AGAP1: variants seen among roughly 807,000 people sequenced by gnomAD.
AGAP1 encodes the protein ArfGAP with GTPase domain, ankyrin repeat and PH domain 1.
Under a neutral mutation model 105.3 loss-of-function variants are expected in AGAP1, and 29 were observed. The ratio of observed to expected loss-of-function variants is 0.28; its 90% CI spans 0.21 to 0.38. The LOEUF is 0.38. AGAP1 is among the 10% of genes least tolerant of loss of function. AGAP1 has a pLI of 1.00. For missense variants in AGAP1, 998 were observed against 1,165.1 expected (o/e 0.86, Z 2.09); for synonymous variants, 509 against 485.9 (o/e 1.05, Z -0.63).
At chr2:235,661,342 A>T (rs752438748) in intron 1 of AGAP1, among the ~76,000 whole-genome samples, 1 of 152,114 alleles carries the variant, frequency 6.6e-6, no homozygotes, top group Non-Finnish European at 1.5e-5. Context: ...CCTGAAGGAA[A>T]GGCGGTGATT....
intron 16 of AGAP1, among the ~76,000 whole-genome samples, chr2:236,103,072 T>C (rs923139861): frequency 1.3e-4 from 17 of 133,584 alleles, no homozygotes; most frequent in Non-Finnish European, 2.4e-4. Flanking sequence ...ATTAATGGCC[T>C]GCATTCTGAC....
intron 1 of AGAP1, among the ~76,000 whole-genome samples, chr2:235,626,242 C>T (rs921449688): frequency 6.6e-6 from 1 of 150,994 alleles, no homozygotes; most frequent in African/African-American, 2.4e-5. Flanking sequence ...CCTGTAATCC[C>T]AGCTACGCAG....
chr2:235,821,405 A>T (rs1445812143), intron 9 of AGAP1, among the ~76,000 whole-genome samples: 3 of 129,310 alleles, frequency 2.3e-5, no homozygotes, highest in Admixed American at 8.2e-5. Flanking sequence ...TTTTTTTGAG[A>T]CGGGGTCTCG....
intron 2 of AGAP1, among the ~76,000 whole-genome samples, chr2:235,709,732 A>T (rs186438138): frequency 1.1e-3 from 167 of 152,282 alleles, no homozygotes; most frequent in African/African-American, 3.9e-3. Flanking sequence ...ATGAAATTAA[A>T]ATTTTTGTCT....
chr2:236,049,949 C>T (rs1406196837), intron 16 of AGAP1: 2 of 152,114 alleles, frequency 1.3e-5, no homozygotes, highest in African/African-American at 2.4e-5. Flanking sequence ...TCTGAGAAGG[C>T]GTATGGCATG....
At chr2:236,068,567 G>A (rs1404962661) in intron 16 of AGAP1, among the ~76,000 whole-genome samples, 9 of 151,340 alleles carry the variant, frequency 5.9e-5, no homozygotes, top group East Asian at 2.0e-4. Context: ...TTCGGAGGCC[G>A]AGGCGGGCGG....
chr2:236,016,424 C>A (rs2056706115), intron 13 of AGAP1, among the ~76,000 whole-genome samples: 1 of 131,050 alleles, frequency 7.6e-6, no homozygotes. Flanking sequence ...TTTGTCGCAA[C>A]AAATTTGTTT....
In AGAP1 at chr2:236,082,180, A is replaced by G. The variant is rs1213409254; in HGVS notation, c.2114+32899A>G. On this transcript the variant is annotated intron_variant, in intron 16 of 17. Coordinates refer to ENST00000304032, the MANE Select transcript of AGAP1 (RefSeq NM_001037131.3). This position sits in a 1 kb window ranked among gnomAD's most constrained non-coding sequence, Gnocchi z 4.2. ...GTTTTCCCTCTAGAACAAACCTATC[A>G]TTTTTCACCACGGGATATTTACAGC... Among the ~76,000 whole-genome samples, 1 of 152,084 alleles carries G rather than the reference A, an allele frequency of 6.6e-6. No homozygotes were observed. The highest frequency in any genetic ancestry group is 1.5e-5 in the Non-Finnish European group (1 of 68,036).
At chr2:235,495,083 A>G (rs1387850188) in intron 1 of AGAP1, among the ~76,000 whole-genome samples, 1 of 152,130 alleles carries the variant, frequency 6.6e-6, no homozygotes, top group African/African-American at 2.4e-5. Context: ...TTGATCGTGG[A>G]CAATAGAGTC....
At chr2:235,607,589 CTTTG>C (rs907004629) in intron 1 of AGAP1, among the ~76,000 whole-genome samples, 5 of 152,180 alleles carry the variant, frequency 3.3e-5, no homozygotes, top group Non-Finnish European at 5.9e-5. Flanking sequence ...TCAGCCTTTG[CTTTG>C]TTTGTCACCT....
intron 4 of AGAP1, among the ~76,000 whole-genome samples, chr2:235,743,771 A>T (rs1482169951): frequency 6.6e-6 from 1 of 152,220 alleles, no homozygotes; most frequent in Non-Finnish European, 1.5e-5. Flanking sequence ...GGGAAAGCAG[A>T]CGGGATGGAT....
chr2:235,662,859 C>G lies in AGAP1; in HGVS notation c.164-46320C>G. ...CCACTGCTGACTGGTGCATGGCGAGCAGAGGTTTTATTCCATCTTACTGTG... is the reference window on the plus strand; with the variant it reads ...CCACTGCTGACTGGTGCATGGCGAGGAGAGGTTTTATTCCATCTTACTGTG... On this transcript the variant is annotated intron_variant, in intron 1 of 17. Coordinates refer to ENST00000304032, the MANE Select transcript of AGAP1 (RefSeq NM_001037131.3). The surrounding 1 kb of genome is among the most constrained non-coding windows in gnomAD (Gnocchi z 4.2). Among the ~76,000 whole-genome samples the G allele has an allele frequency of 6.6e-6, 1 of 152,192 alleles. No homozygotes were observed. Among genetic ancestry groups the G allele is most frequent in the South Asian group, 2.1e-4 (1 of 4,828 alleles).
At chr2:235,498,085 C>T (rs577046048) in intron 1 of AGAP1, among the ~76,000 whole-genome samples, 17 of 152,150 alleles carry the variant, frequency 1.1e-4, no homozygotes, top group Non-Finnish European at 2.1e-4. Flanking sequence ...TTTCAGAGCG[C>T]GTGGAGGTGG....
At chr2:236,098,639 T>TTTTTTTTTTTTTTTTTTA (rs1390073674) in intron 16 of AGAP1, among the ~76,000 whole-genome samples, 1 of 113,478 alleles carries the variant, frequency 8.8e-6, no homozygotes, top group African/African-American at 3.0e-5. Flanking sequence ...TTTTTTTTTT[T>TTTTTTTTTTTTTTTTTTA]AGAGAAACAG....
chr2:236,025,529 C>T (rs2057022891), intron 13 of AGAP1, among the ~76,000 whole-genome samples: 2 of 152,048 alleles, frequency 1.3e-5, no homozygotes, highest in South Asian at 4.1e-4. Flanking sequence ...AAATTGGGTC[C>T]AAAAATCTAT....
intron 1 of AGAP1, among the ~76,000 whole-genome samples, chr2:235,617,434 G>A (rs1946343263): frequency 6.6e-6 from 1 of 152,162 alleles, no homozygotes; most frequent in Non-Finnish European, 1.5e-5. Flanking sequence ...AGGTGCGGTG[G>A]CTCACACCTG....
intron 13 of AGAP1, among the ~76,000 whole-genome samples, chr2:236,022,054 CAAAAAAAAAAAA>C (rs55810820): frequency 2.2e-5 from 2 of 89,304 alleles, no homozygotes; most frequent in African/African-American, 8.5e-5. Context: ...GACCCTGTCT[CAAAAAAAAAAAA>C]AAAAAAAAAA....
At chr2:235,505,980 G>C (rs547538111) in intron 1 of AGAP1, among the ~76,000 whole-genome samples, 88 of 149,738 alleles carry the variant, frequency 5.9e-4, no homozygotes, top group African/African-American at 2.1e-3. Context: ...GCCCAGGCTG[G>C]AGTGCAGTGG....
rs2057729663 is a variant in AGAP1 at position 236,046,797 on chromosome 2, T to TG, written c.1892-2258dup. Among the ~76,000 whole-genome samples the TG allele has an allele frequency of 6.6e-6, 1 of 151,832 alleles. No individual in the cohort carries two copies. The highest frequency in any genetic ancestry group is 1.5e-5 in the Non-Finnish European group (1 of 67,946). ...GATCACAACGGAGCAACCAGGAAAG[T>TG]GGGGAAAAAATCCAGAGAGGTCGTT... On this transcript the variant is annotated intron_variant, in intron 15 of 17. Coordinates refer to ENST00000304032, the MANE Select transcript of AGAP1 (RefSeq NM_001037131.3). The surrounding 1 kb of genome is among the most constrained non-coding windows in gnomAD (Gnocchi z 5.2).
Sources: gnomAD v4.1 joint callset for allele counts (sites outside exome capture counted in the v4.1 genomes callset) on GRCh38, gnomAD v4.1.1 for gene constraint, Gnocchi (gnomAD v3.1) non-coding constraint, MANE v1.5 for transcripts, NCBI Gene and HGNC (gene_info 2026-07-23, HGNC 2026-07-21) for gene names.